TMEM74: variants seen among roughly 807,000 people sequenced by gnomAD.
TMEM74 encodes the protein transmembrane protein 74.
In TMEM74, 13 loss-of-function variants were observed where a neutral mutation model predicts 18.1. The ratio of observed to expected loss-of-function variants is 0.72; its 90% CI spans 0.47 to 1.14. The LOEUF (loss-of-function observed/expected upper bound fraction) is 1.14, where lower values mean the gene tolerates loss of function less well. Ranked by LOEUF, TMEM74 falls within the 50% of genes most tolerant of loss-of-function variation. The pLI, the probability that TMEM74 is intolerant of heterozygous loss-of-function variation, is 0.00. For missense variants in TMEM74, 372 were observed against 375.9 expected (o/e 0.99, Z 0.09); for synonymous variants, 159 against 146.6 (o/e 1.08, Z -0.61).
chr8:108,704,700 A>G (rs1586267418), intron 1 of TMEM74, among the ~76,000 whole-genome samples: 1 of 152,248 alleles, frequency 6.6e-6, no homozygotes, highest in Admixed American at 6.5e-5. Context: ...TAAACACATG[A>G]TCAGAGGCAG....
At chr8:108,633,819 T>C (rs150773176) in intron 2 of TMEM74, among the ~76,000 whole-genome samples, 1 of 152,106 alleles carries the variant, frequency 6.6e-6, no homozygotes, top group Non-Finnish European at 1.5e-5. Flanking sequence ...GTGTAAAGAT[T>C]TGGGGCAACT....
chr8:108,671,198 G>A (rs187856192), intron 1 of TMEM74, among the ~76,000 whole-genome samples: 1 of 152,278 alleles, frequency 6.6e-6, no homozygotes, highest in East Asian at 1.9e-4. Flanking sequence ...TTTCTTTAGT[G>A]TTTGACTAGG....
intron 2 of TMEM74, among the ~76,000 whole-genome samples, chr8:108,643,097 G>A (rs571342900): frequency 3.3e-5 from 5 of 152,290 alleles, no homozygotes; most frequent in African/African-American, 9.6e-5. Flanking sequence ...TCTAATGGAG[G>A]AGACAAATAA....
At chr8:108,718,524 T>C (rs1179142581) in intron 1 of TMEM74, among the ~76,000 whole-genome samples, 2 of 152,026 alleles carry the variant, frequency 1.3e-5, no homozygotes, top group Non-Finnish European at 1.5e-5. Flanking sequence ...CAGACTCCTC[T>C]TGTGTTTAGT....
At chr8:108,676,377 C>T (rs1226956685) in intron 1 of TMEM74, among the ~76,000 whole-genome samples, 1 of 152,160 alleles carries the variant, frequency 6.6e-6, no homozygotes, top group Non-Finnish European at 1.5e-5. Flanking sequence ...CTCTTGCTGC[C>T]TTATTTCTGA....
intron 1 of TMEM74, among the ~76,000 whole-genome samples, chr8:108,682,285 C>G (rs572200173): frequency 6.6e-5 from 10 of 152,176 alleles, no homozygotes; most frequent in African/African-American, 2.4e-4. Context: ...TCTTCACCCC[C>G]ACTATGCTGC....
chr8:108,712,355 CTA>C (rs1284516307), intron 1 of TMEM74, among the ~76,000 whole-genome samples: 2 of 152,182 alleles, frequency 1.3e-5, no homozygotes, highest in African/African-American at 4.8e-5. Flanking sequence ...TATCTTGAAA[CTA>C]TGTAAATATC....
intron 1 of TMEM74, among the ~76,000 whole-genome samples, chr8:108,679,461 C>G (rs1186011569): frequency 6.6e-6 from 1 of 152,176 alleles, no homozygotes; most frequent in East Asian, 1.9e-4. Context: ...GAGATGGTAT[C>G]TCATTATGGT....
chr8:108,665,404 G>C (rs1198955522), intron 1 of TMEM74, among the ~76,000 whole-genome samples: 2 of 152,208 alleles, frequency 1.3e-5, no homozygotes, highest in Admixed American at 6.6e-5. Context: ...GGGCATCAGG[G>C]AGAAAGAGTA....
chr8:108,730,570 C>G lies in TMEM74; in HGVS notation n.119+56906G>C, dbSNP rs552337626. On this transcript the variant is annotated intron_variant and non_coding_transcript_variant, in intron 1 of 3. Coordinates refer to the TMEM74 transcript ENST00000518838. ...AATTACTCATTTATATATTTATTCA[C>G]CTTTTATTGTGCATCTCCAGAATGT... 1.1e-3 allele frequency among the ~76,000 whole-genome samples: 168 copies of G among 151,462 alleles called. 1 individual carries two copies. Among genetic ancestry groups the G allele is most frequent in the African/African-American group, 3.8e-3 (158 of 41,078 alleles).
chr8:108,627,924 G>C (rs1328304240), intron 2 of TMEM74, among the ~76,000 whole-genome samples: 1 of 151,930 alleles, frequency 6.6e-6, no homozygotes, highest in Non-Finnish European at 1.5e-5. Flanking sequence ...GTATGGTGGT[G>C]CATGCCTGTA....
At chr8:108,647,964 A>C (rs896393374) in intron 2 of TMEM74, among the ~76,000 whole-genome samples, 7 of 152,288 alleles carry the variant, frequency 4.6e-5, no homozygotes, top group African/African-American at 1.7e-4. Context: ...TGGCCAGGAA[A>C]AGATAATGCA....
intron 1 of TMEM74, among the ~76,000 whole-genome samples, chr8:108,698,929 T>C (rs1208756163): frequency 6.6e-6 from 1 of 152,112 alleles, no homozygotes; most frequent in East Asian, 1.9e-4. Context: ...GGCTTTGGTG[T>C]CTGTAAATGT....
At chr8:108,651,056 A>G (rs2130571259) in intron 2 of TMEM74, among the ~76,000 whole-genome samples, 1 of 152,194 alleles carries the variant, frequency 6.6e-6, no homozygotes, top group Middle Eastern at 3.4e-3. Flanking sequence ...TTGATACTCT[A>G]CACCGTTCTG....
At chr8:108,766,176 T>A (rs1455740488) in intron 1 of TMEM74, among the ~76,000 whole-genome samples, 1 of 152,004 alleles carries the variant, frequency 6.6e-6, no homozygotes, top group Non-Finnish European at 1.5e-5. Flanking sequence ...ATTATTATAT[T>A]ATTAATTTGG....
chr8:108,726,314 T>C lies in TMEM74; in HGVS notation n.119+61162A>G, dbSNP rs1035755292. The stretch of plus-strand genomic sequence containing the variant: ...TCATCTACTGCAAAATTCTGCCTGA[T>C]GAGTTTATGTGTCACTTGGAAAGCA... On this transcript the variant is annotated intron_variant and non_coding_transcript_variant, in intron 1 of 3. Transcript: ENST00000518838. 1.4e-4 allele frequency among the ~76,000 whole-genome samples: 22 copies of C among 152,182 alleles called. 1 individual carries two copies. The highest frequency in any genetic ancestry group is 5.1e-4 in the African/African-American group (21 of 41,464).
chr8:108,767,248 T>TAGAG (rs1814118682), intron 1 of TMEM74, among the ~76,000 whole-genome samples: 1 of 151,704 alleles, frequency 6.6e-6, no homozygotes. Context: ...AACAAAAGAG[T>TAGAG]AGAGATTCAG....
At chr8:108,634,057 C>T (rs1419859628) in intron 2 of TMEM74, among the ~76,000 whole-genome samples, 2 of 151,862 alleles carry the variant, frequency 1.3e-5, no homozygotes, top group African/African-American at 4.8e-5. Context: ...ACAAAAGTTA[C>T]CGGCAAACTG....
chr8:108,612,438 T>C (rs1812343090), intron 2 of TMEM74, among the ~76,000 whole-genome samples: 1 of 152,216 alleles, frequency 6.6e-6, no homozygotes, highest in African/African-American at 2.4e-5. Flanking sequence ...AGTCTCATTT[T>C]CCAGATTAAG....
Sources: gnomAD v4.1 joint callset for allele counts (sites outside exome capture counted in the v4.1 genomes callset) on GRCh38, gnomAD v4.1.1 for gene constraint, MANE v1.5 for transcripts, NCBI Gene and HGNC (gene_info 2026-07-23, HGNC 2026-07-21) for gene names.